Variants in KCND2 observed in about 807,000 individuals in gnomAD.
KCND2 encodes the protein A-type voltage-gated potassium channel KCND2.
KCND2 carries 16 observed loss-of-function variants against 54.4 expected under a neutral mutation model. The observed-to-expected ratio is 0.29, with a 90% CI of 0.20 to 0.45. The LOEUF is 0.45. Ranked by LOEUF, KCND2 falls within the 20% of genes least tolerant of loss-of-function variation. The probability of loss-of-function intolerance (pLI) is 1.00; values close to 1 mark genes in which losing one functional copy is unlikely to be tolerated. For synonymous variants in KCND2, 317 were observed against 310.7 expected, an observed-to-expected ratio of 1.02 and a Z score of -0.21; for missense variants, 486 against 824.2, an observed-to-expected ratio of 0.59 and a Z score of 5.02.
chr7:120,410,291 ATTATG>A (rs78684291), intron 1 of KCND2, among the ~76,000 whole-genome samples: 15,497 of 151,940 alleles, frequency 0.1, 822 homozygotes, highest in Admixed American at 0.13. Context: ...ACAATGTAGC[ATTATG>A]TTATGTCTTT....
intron 1 of KCND2, among the ~76,000 whole-genome samples, chr7:120,661,090 CA>C (rs1791860036): frequency 6.6e-6 from 1 of 152,052 alleles, no homozygotes; most frequent in South Asian, 2.1e-4. Context: ...ACATCATACC[CA>C]ATAGGGTTGA....
At chr7:120,621,154 T>A (rs1162577096) in intron 1 of KCND2, among the ~76,000 whole-genome samples, 2 of 151,454 alleles carry the variant, frequency 1.3e-5, no homozygotes, top group Non-Finnish European at 2.9e-5. Context: ...GCACCTGTGG[T>A]CCCAGCTACT....
intron 1 of KCND2, among the ~76,000 whole-genome samples, chr7:120,599,616 CA>C (rs1792789367): frequency 6.6e-6 from 1 of 151,782 alleles, no homozygotes. Context: ...AAAGAAATTC[CA>C]AGTGTTTCTT....
At chr7:120,685,563 A>G (rs1295941128) in intron 1 of KCND2, among the ~76,000 whole-genome samples, 1 of 152,190 alleles carries the variant, frequency 6.6e-6, no homozygotes, top group Non-Finnish European at 1.5e-5. Context: ...AGTTAGGTGT[A>G]GCCAGCACCT....
chr7:120,377,059 G>A (rs756822881), intron 1 of KCND2, among the ~76,000 whole-genome samples: 4 of 151,906 alleles, frequency 2.6e-5, no homozygotes, highest in Non-Finnish European at 4.4e-5. Context: ...AGAAACTGCT[G>A]AAATTGAAAT....
chr7:120,524,750 A>G (rs1329066201), intron 1 of KCND2, among the ~76,000 whole-genome samples: 3 of 152,216 alleles, frequency 2.0e-5, no homozygotes, highest in Non-Finnish European at 4.4e-5. Context: ...CCTAATGCAC[A>G]TTCTATGAAG....
At chr7:120,431,459 G>A (rs1801786723) in intron 1 of KCND2, among the ~76,000 whole-genome samples, 2 of 152,158 alleles carry the variant, frequency 1.3e-5, no homozygotes, top group African/African-American at 2.4e-5. Flanking sequence ...CAGAAACATG[G>A]TCTCTGTGAC....
At chr7:120,468,758 C>T (rs996798302) in intron 1 of KCND2, among the ~76,000 whole-genome samples, 5 of 151,982 alleles carry the variant, frequency 3.3e-5, no homozygotes, top group South Asian at 4.1e-4. Flanking sequence ...AAGAACTTAA[C>T]GGCTGAATTT....
intron 1 of KCND2, among the ~76,000 whole-genome samples, chr7:120,550,137 C>T (rs1004778180): frequency 6.6e-6 from 1 of 151,982 alleles, no homozygotes; most frequent in African/African-American, 2.4e-5. Context: ...CCACTCCACG[C>T]CATAACCAAT....
chr7:120,372,200 T>C (rs968227319), intron 1 of KCND2, among the ~76,000 whole-genome samples: 5 of 152,080 alleles, frequency 3.3e-5, no homozygotes, highest in East Asian at 1.9e-4. Flanking sequence ...GATACTCTTA[T>C]AAGTGTAATT....
At chr7:120,666,132 G>A (rs1442609998) in intron 1 of KCND2, among the ~76,000 whole-genome samples, 1 of 151,986 alleles carries the variant, frequency 6.6e-6, no homozygotes. Flanking sequence ...TGCCTGTCCA[G>A]CATTATATCA....
chr7:120,568,282 G>C (rs1473245853), intron 1 of KCND2, among the ~76,000 whole-genome samples: 3 of 152,050 alleles, frequency 2.0e-5, no homozygotes, highest in Non-Finnish European at 4.4e-5. Flanking sequence ...TTTGTGATTA[G>C]TTAAAAATTA....
chr7:120,336,906 A>G (rs1004437025), intron 1 of KCND2, among the ~76,000 whole-genome samples: 5 of 152,158 alleles, frequency 3.3e-5, no homozygotes, highest in African/African-American at 1.2e-4. Flanking sequence ...AACTGGTCTA[A>G]TAAATTAGTT....
At chr7:120,306,131 G>T (rs1233530203) in intron 1 of KCND2, among the ~76,000 whole-genome samples, 1 of 152,052 alleles carries the variant, frequency 6.6e-6, no homozygotes, top group African/African-American at 2.4e-5. Context: ...CCTCCACCAA[G>T]AATTTTGTGT....
intron 1 of KCND2, among the ~76,000 whole-genome samples, chr7:120,574,607 TA>T (rs932884619): frequency 2.0e-5 from 3 of 150,864 alleles, no homozygotes; most frequent in Non-Finnish European, 1.5e-5. Context: ...TCTGGAGCAT[TA>T]AAAAAAAATA....
At chr7:120,335,719 T>C (rs1800142409) in intron 1 of KCND2, among the ~76,000 whole-genome samples, 1 of 152,040 alleles carries the variant, frequency 6.6e-6, no homozygotes, top group Non-Finnish European at 1.5e-5. Flanking sequence ...TCTCCTGACC[T>C]TGTGATCCAC....
At chr7:120,313,433 A>AT (rs1055854447) in intron 1 of KCND2, among the ~76,000 whole-genome samples, 6 of 152,214 alleles carry the variant, frequency 3.9e-5, no homozygotes, top group Non-Finnish European at 7.4e-5. Flanking sequence ...TTGTTATTCA[A>AT]TTTTTTTGTG....
chr7:120,524,891 A>C (rs1208000107), intron 1 of KCND2, among the ~76,000 whole-genome samples: 1 of 152,190 alleles, frequency 6.6e-6, no homozygotes. Context: ...TCGGGATAGG[A>C]AAGATATTTT....
At chr7:120,338,436 C>T (rs1043118193) in intron 1 of KCND2, among the ~76,000 whole-genome samples, 1 of 151,780 alleles carries the variant, frequency 6.6e-6, no homozygotes, top group Non-Finnish European at 1.5e-5. Flanking sequence ...ATCTAAATAT[C>T]GTATGTTTTT....
Sources: allele counts gnomAD v4.1 joint callset (sites outside exome capture counted in the v4.1 genomes callset), GRCh38; gene constraint gnomAD v4.1.1; transcripts MANE v1.5; gene names NCBI Gene and HGNC (gene_info 2026-07-23, HGNC 2026-07-21).